Variants in KMT2C observed in about 807,000 individuals in gnomAD.
KMT2C encodes the protein histone-lysine N-methyltransferase 2C.
Under a neutral mutation model 507.9 loss-of-function variants are expected in KMT2C, and 88 were observed. That is an observed-to-expected ratio of 0.17 (90% CI 0.15 to 0.21). KMT2C has a LOEUF of 0.21. Ranked by LOEUF, KMT2C falls within the 10% of genes least tolerant of loss-of-function variation. The pLI, the probability that KMT2C is intolerant of heterozygous loss-of-function variation, is 1.00. For synonymous variants in KMT2C, 2,049 were observed against 2,080.8 expected (o/e 0.98, Z 0.42); for missense variants, 4,954 against 5,957.8 (o/e 0.83, Z 5.55).
At chr7:152,283,609 T>A (rs1482481980) in intron 6 of KMT2C, among the ~76,000 whole-genome samples, 1 of 152,192 alleles carries the variant, frequency 6.6e-6, no homozygotes, top group East Asian at 1.9e-4. Flanking sequence ...CAAACAGATG[T>A]ATGTAAAAAT....
chr7:152,181,371 A>G lies in KMT2C; in HGVS notation c.6489T>C (p.Pro2163=). ...CAACAGTAGTAGGCCGGGGAGTTCC[A>G]GGAGGTTGAGAGTAAGGGTCTGTAT... ...RSNTDPYSQP[P]GTPRPTTVDP... Residue 2163 remains proline, a synonymous_variant, in exon 36 of 59, where the codon CCT becomes CCC. Transcript: ENST00000262189. 1 of 1,614,022 alleles carries G rather than the reference A, an allele frequency of 6.2e-7. No homozygotes were observed. The highest frequency in any genetic ancestry group is 8.5e-7 in the Non-Finnish European group (1 of 1,179,984).
Position 152,162,566 on chromosome 7 carries a change from T to C in KMT2C, c.11011A>G (p.Met3671Val). 6.2e-7 allele frequency: 1 copy of C among 1,614,176 alleles called. No individual in the cohort carries two copies. The highest frequency in any genetic ancestry group is 8.5e-7 in the Non-Finnish European group (1 of 1,180,026). The change falls in exon 43 of 59, where the codon ATG becomes GTG. Residue 3671 changes from methionine (M) to valine (V), a missense_variant. Coordinates refer to ENST00000262189, the MANE Select transcript of KMT2C (RefSeq NM_170606.3). ...TCTGTACATAGCTGGCCTGCTGCCATATTGGGAGTGGATGGGCCGACTGGT... is the reference window on the plus strand; with the variant it reads ...TCTGTACATAGCTGGCCTGCTGCCACATTGGGAGTGGATGGGCCGACTGGT... The part of the protein sequence containing the change: ...VEPVGPSTPN[M>V]AAGQLCTELE...
chr7:152,393,633 G>A (rs1336858870), intron 1 of KMT2C, among the ~76,000 whole-genome samples: 1 of 152,116 alleles, frequency 6.6e-6, no homozygotes, highest in African/African-American at 2.4e-5. Flanking sequence ...AAATCTGTTG[G>A]CCGAGCGCGG....
At chr7:152,428,860 C>A (rs2097844768) in intron 1 of KMT2C, among the ~76,000 whole-genome samples, 1 of 152,108 alleles carries the variant, frequency 6.6e-6, no homozygotes, top group Non-Finnish European at 1.5e-5. Flanking sequence ...GCCTACTGTT[C>A]ATTTAAATTG....
chr7:152,236,602 T>C (rs2095280112), intron 15 of KMT2C, among the ~76,000 whole-genome samples: 4 of 152,222 alleles, frequency 2.6e-5, no homozygotes, highest in Non-Finnish European at 1.5e-5. Context: ...TAAAATTAAG[T>C]CAGTTTCCTT....
chr7:152,432,461 G>C (rs1284058021), intron 1 of KMT2C, among the ~76,000 whole-genome samples: 2 of 152,286 alleles, frequency 1.3e-5, no homozygotes, highest in African/African-American at 2.4e-5. Flanking sequence ...TAAAGATGAT[G>C]AACTACTCCA....
intron 9 of KMT2C, among the ~76,000 whole-genome samples, chr7:152,260,880 G>A (rs2095758169): frequency 6.6e-6 from 1 of 151,904 alleles, no homozygotes; most frequent in African/African-American, 2.4e-5. Flanking sequence ...AGAGAAAAGG[G>A]GAATAAAAAC....
rs755114138 is a variant in KMT2C, at chr7:152,163,694, T to C, written c.9883A>G (p.Thr3295Ala). 1.2e-6 allele frequency: 2 copies of C among 1,613,740 alleles called. No individual in the cohort carries two copies. Among genetic ancestry groups the C allele is most frequent in the African/African-American group, 2.7e-5 (2 of 74,836 alleles). Residue 3295 changes from threonine to alanine, a missense_variant, in exon 43 of 59, where the codon ACT becomes GCT. Physicochemically the swap from Thr to Ala is moderately conservative, Grantham distance 58 (BLOSUM62 0). This residue lies in a region of KMT2C where 801 missense variants were observed against 751.2 expected (regional missense o/e 1.07). Transcript: ENST00000262189. The part of the protein sequence containing the change: ...QPQPPLIPGA[T>A]PPTMSQPTFP... ...GTGGGTTGGCTCATGGTGGGTGGAG[T>C]GGCACCTGGAATTAGGGGTGGCTGG... is the stretch of plus-strand genomic sequence containing the variant.
At chr7:152,433,064 C>T (rs1249859455) in intron 1 of KMT2C, among the ~76,000 whole-genome samples, 1 of 151,602 alleles carries the variant, frequency 6.6e-6, no homozygotes, top group African/African-American at 2.4e-5. Flanking sequence ...AGGAGAATCG[C>T]TTGAATACAC....
At position 152,139,180 on chromosome 7, in the gene KMT2C, T is replaced by C. The variant is rs780275260; in HGVS notation, c.14534+6A>G. 5 of 1,613,730 alleles carry C rather than the reference T, an allele frequency of 3.1e-6. No individual in the cohort carries two copies. In the East Asian group the frequency reaches 8.9e-5, roughly 29 times the overall value. On this transcript the variant is annotated splice_donor_region_variant and intron_variant, in intron 57 of 58. Coordinates refer to ENST00000262189, the MANE Select transcript of KMT2C (RefSeq NM_170606.3). ...GCACTCCCCGTCAGGTTCCTCGCTG[T>C]CTCACCTTGCGGGCCCTCCTGTGAG...
At chr7:152,414,977 C>T (rs1256610624) in intron 1 of KMT2C, among the ~76,000 whole-genome samples, 1 of 151,988 alleles carries the variant, frequency 6.6e-6, no homozygotes, top group African/African-American at 2.4e-5. Context: ...GTCTCCCAAA[C>T]AGCTGAGGCA....
chr7:152,294,148 G>T (rs868545108), intron 6 of KMT2C, among the ~76,000 whole-genome samples: 4 of 152,150 alleles, frequency 2.6e-5, no homozygotes, highest in South Asian at 2.1e-4. Context: ...GGGATTACAG[G>T]TGTGAGCCAC....
At chr7:152,291,746 A>C (rs1400360490) in intron 6 of KMT2C, among the ~76,000 whole-genome samples, 1 of 152,260 alleles carries the variant, frequency 6.6e-6, no homozygotes, top group Non-Finnish European at 1.5e-5. Flanking sequence ...GAAAACCATG[A>C]AAAATCATTC....
rs147851738 is a variant in KMT2C, at chr7:152,176,965, T to G, written c.8488A>C (p.Asn2830His). The G allele has an allele frequency of 5.1e-4, 828 of 1,614,166 alleles. No homozygotes were observed. The highest frequency in any genetic ancestry group is 1.5e-3 in the Middle Eastern group (9 of 6,062). The part of the protein sequence containing the change: ...NEVKTEVLSP[N>H]SKVESKCETE... ...TCACATTTGGATTCCACCTTAGAAT[T>G]TGGAGACAGTACTTCCGTTTTTACC... Residue 2830 changes from asparagine to histidine, a missense_variant, in exon 38 of 59, where the codon AAT becomes CAT. Physicochemically the swap from Asn to His is moderately conservative, Grantham distance 68. Transcript: ENST00000262189.
Position 152,177,970 on chromosome 7 carries a change from G to T in KMT2C, c.7483C>A (p.Gln2495Lys). 6.9e-7 allele frequency: 1 copy of T among 1,438,920 alleles called. No homozygotes were observed. Among genetic ancestry groups the T allele is most frequent in the South Asian group, 1.2e-5 (1 of 83,966 alleles). The allele number at this position is 1,438,920 out of a possible 1,614,324, so 89.1% of individuals were successfully genotyped here. Reference protein sequence around the residue: ...PGGSHGTMPSQERFLVPPQQI... With the variant: ...PGGSHGTMPSKERFLVPPQQI... Reference sequence around the variant, plus strand: ...TGAGGAGGCACAAGGAAGCGCTCTTGACTCGGCATGGTACCATGACTACCT... The same window carrying T: ...TGAGGAGGCACAAGGAAGCGCTCTTTACTCGGCATGGTACCATGACTACCT... Residue 2495 changes from glutamine to lysine, a missense_variant, in exon 38 of 59, where the codon CAA becomes AAA. By Grantham distance (53) the Gln-to-Lys change is moderately conservative (BLOSUM62 1). This residue lies in a region of KMT2C where 1,689 missense variants were observed against 1,654.3 expected (regional missense o/e 1.02). Coordinates refer to ENST00000262189, the MANE Select transcript of KMT2C (RefSeq NM_170606.3).
At chr7:152,151,234 G>A (rs995565126) in intron 50 of KMT2C, among the ~76,000 whole-genome samples, 2 of 152,092 alleles carry the variant, frequency 1.3e-5, no homozygotes, top group African/African-American at 2.4e-5. Flanking sequence ...TTAAAAATAC[G>A]TAGTCCTCAT....
At chr7:152,434,962 G>C (rs1185440652) in intron 1 of KMT2C, among the ~76,000 whole-genome samples, 1 of 152,180 alleles carries the variant, frequency 6.6e-6, no homozygotes, top group African/African-American at 2.4e-5. Flanking sequence ...CCGAAGCTGG[G>C]GGATCCCACA....
chr7:152,234,699 G>C (rs1027560123), intron 16 of KMT2C, among the ~76,000 whole-genome samples: 1 of 152,098 alleles, frequency 6.6e-6, no homozygotes, highest in African/African-American at 2.4e-5. Context: ...TCAGAAGTTT[G>C]AGACCAGCCT....
At chr7:152,324,918 T>G (rs1177436516) in intron 3 of KMT2C, among the ~76,000 whole-genome samples, 1 of 152,078 alleles carries the variant, frequency 6.6e-6, no homozygotes, top group African/African-American at 2.4e-5. Context: ...AAGTAATGTT[T>G]ATTGAAAGTA....
Sources: allele counts gnomAD v4.1 joint callset (sites outside exome capture counted in the v4.1 genomes callset), GRCh38; gene constraint gnomAD v4.1.1; regional missense constraint gnomAD v4.1.1; transcripts MANE v1.5; gene names NCBI Gene and HGNC (gene_info 2026-07-23, HGNC 2026-07-21).